The following TIGAR variants were observed in gnomAD, a reference collection of about 807,000 sequenced individuals.
TIGAR encodes fructose-2,6-bisphosphatase TIGAR.
In TIGAR, 7 loss-of-function variants were observed where a neutral mutation model predicts 17.9. The ratio of observed to expected loss-of-function variants is 0.39; its 90% CI spans 0.22 to 0.73. TIGAR has a LOEUF of 0.73. Ranked by LOEUF, TIGAR falls within the 30% of genes least tolerant of loss-of-function variation. The pLI, the probability that TIGAR is intolerant of heterozygous loss-of-function variation, is 0.42. For synonymous variants in TIGAR, 94 were observed against 108.6 expected (o/e 0.87, Z 0.84); for missense variants, 258 against 327.4 (o/e 0.79, Z 1.64).
rs1382302752 is a variant in TIGAR at position 4,355,741 on chromosome 12, T to G, written c.*3050T>G. Among the ~76,000 whole-genome samples the G allele has an allele frequency of 6.6e-6, 1 of 152,160 alleles. No individual in the cohort carries two copies. The highest frequency in any genetic ancestry group is 2.1e-4 in the South Asian group (1 of 4,830). On this transcript the variant is annotated 3_prime_UTR_variant, in exon 6 of 6. Coordinates refer to ENST00000179259, the MANE Select transcript of TIGAR (RefSeq NM_020375.3). ...AGAGAAGACAGTGTGTTGGCTCACA[T>G]TGTGGTCAGTGCTGTTGAGCAAAAT...
At position 4,357,883 on chromosome 12, in the gene TIGAR, C is replaced by G. The variant is rs1443388461; in HGVS notation, c.*5192C>G. Among the ~76,000 whole-genome samples, 3 of 147,372 alleles carry G rather than the reference C, an allele frequency of 2.0e-5. No individual in the cohort carries two copies. The highest frequency in any genetic ancestry group is 4.5e-5 in the Non-Finnish European group (3 of 66,516). ...CTTTGGGAGGCCAAGGCGGGCAGAT[C>G]ACGAGGTCAGGAGATAGAGACCATC... On this transcript the variant is annotated 3_prime_UTR_variant, in exon 6 of 6. Coordinates refer to ENST00000179259, the MANE Select transcript of TIGAR (RefSeq NM_020375.3).
chr12:4,337,310 T>G, intron 3 of TIGAR, 150 bp downstream of exon 3: 2 of 504,422 alleles, frequency 4.0e-6, no homozygotes, highest in Non-Finnish European at 6.8e-6. Flanking sequence ...GGATTACAGG[T>G]GTGTGCCACC....
chr12:4,338,546 T>C (rs1402745847), intron 3 of TIGAR, among the ~76,000 whole-genome samples: 2 of 152,166 alleles, frequency 1.3e-5, no homozygotes, highest in Non-Finnish European at 2.9e-5. Flanking sequence ...TCTAGAAATA[T>C]GTACAAGAAT....
chr12:4,345,738 C>A (rs1274034867), intron 3 of TIGAR, among the ~76,000 whole-genome samples: 2 of 152,196 alleles, frequency 1.3e-5, no homozygotes, highest in African/African-American at 4.8e-5. Context: ...GCAATGGCAA[C>A]AAAAGCCAAA....
chr12:4,349,362 G>A (rs923019165), intron 3 of TIGAR, among the ~76,000 whole-genome samples: 4 of 151,806 alleles, frequency 2.6e-5, no homozygotes, highest in Non-Finnish European at 5.9e-5. Context: ...AAGAGACACA[G>A]ATGTGTACAC....
chr12:4,346,443 A>G (rs1164188812), intron 3 of TIGAR, among the ~76,000 whole-genome samples: 1 of 152,234 alleles, frequency 6.6e-6, no homozygotes, highest in East Asian at 1.9e-4. Flanking sequence ...GGATGAGTTC[A>G]TGTCCTCTGT....
intron 3 of TIGAR, among the ~76,000 whole-genome samples, chr12:4,344,073 C>G (rs1864753709): frequency 6.6e-6 from 1 of 152,126 alleles, no homozygotes; most frequent in Admixed American, 6.5e-5. Flanking sequence ...GAAATACGAA[C>G]TACCATCAGA....
chr12:4,349,026 A>G (rs574030069), intron 3 of TIGAR, among the ~76,000 whole-genome samples: 1 of 152,350 alleles, frequency 6.6e-6, no homozygotes, highest in South Asian at 2.1e-4. Flanking sequence ...TAAAAATACA[A>G]TTGGAATTAA....
At chr12:4,330,568 G>A (rs770788209) in intron 1 of TIGAR, among the ~76,000 whole-genome samples, 1 of 152,160 alleles carries the variant, frequency 6.6e-6, no homozygotes, top group Admixed American at 6.5e-5. Flanking sequence ...CTATCCTGCT[G>A]TCTGTCCAGT....
At position 4,321,753 on chromosome 12, in the gene TIGAR, T is replaced by G. The variant is rs1864480389; in HGVS notation, c.32+450T>G. Among the ~76,000 whole-genome samples the G allele has an allele frequency of 6.6e-6, 1 of 152,134 alleles. No homozygotes were observed. The highest frequency in any genetic ancestry group is 1.5e-5 in the Non-Finnish European group (1 of 68,008). On this transcript the variant is annotated intron_variant, in intron 1 of 5. Transcript: ENST00000179259. The surrounding 1 kb of genome is among the most constrained non-coding windows in gnomAD (Gnocchi z 5.2). ...TCCTCTCAGTTTCTGAGGTTCCCCC[T>G]CGTTTCCCCAGGCAGTCAGCCCCCC...
In TIGAR at chr12:4,355,110, G is replaced by T. The variant is rs189694032; in HGVS notation, c.*2419G>T. On this transcript the variant is annotated 3_prime_UTR_variant, in exon 6 of 6. Coordinates refer to ENST00000179259, the MANE Select transcript of TIGAR (RefSeq NM_020375.3). ...TTATCCTTTATGGGGTTTTTTTGGTGTGTATCTTTAAGAAGACTTCTCTAC... is the reference window on the plus strand; with the variant it reads ...TTATCCTTTATGGGGTTTTTTTGGTTTGTATCTTTAAGAAGACTTCTCTAC... 3.4e-4 allele frequency among the ~76,000 whole-genome samples: 51 copies of T among 152,172 alleles called. No homozygotes were observed. The highest frequency in any genetic ancestry group is 1.0e-3 in the South Asian group (5 of 4,828).
At chr12:4,348,798 G>C (rs1222724093) in intron 3 of TIGAR, among the ~76,000 whole-genome samples, 2 of 152,156 alleles carry the variant, frequency 1.3e-5, no homozygotes, top group Non-Finnish European at 2.9e-5. Context: ...CTATGTGACA[G>C]GGTCGCTTGT....
At chr12:4,324,245 C>T in intron 1 of TIGAR, 1 of 613,588 alleles carries the variant, frequency 1.6e-6, no homozygotes, top group Non-Finnish European at 2.9e-6. Context: ...ACCTATCCAG[C>T]ACTACTGAAG....
chr12:4,352,349 T>A lies in TIGAR; in HGVS notation c.471T>A (p.Ser157=). The A allele has an allele frequency of 1.2e-6, 2 of 1,614,168 alleles. No homozygotes were observed. Among genetic ancestry groups the A allele is most frequent in the Non-Finnish European group, 1.7e-6 (2 of 1,180,010 alleles). Residue 157 remains serine, a synonymous_variant, in exon 6 of 6, where the codon TCT becomes TCA. Coordinates refer to ENST00000179259, the MANE Select transcript of TIGAR (RefSeq NM_020375.3). ...AAAAAGAACAGTTTTCCCAAGGATC[T>A]CCAAGCAACTGTCTGGAAACTTCTT... The part of the protein sequence containing the change: ...ADQKEQFSQG[S]PSNCLETSLA...
In TIGAR at chr12:4,321,884, G is replaced by A. The variant is rs1471926224; in HGVS notation, c.32+581G>A. 6.6e-6 allele frequency among the ~76,000 whole-genome samples: 1 copy of A among 152,146 alleles called. No homozygotes were observed. Among genetic ancestry groups the A allele is most frequent in the African/African-American group, 2.4e-5 (1 of 41,424 alleles). On this transcript the variant is annotated intron_variant, in intron 1 of 5. Coordinates refer to ENST00000179259, the MANE Select transcript of TIGAR (RefSeq NM_020375.3). This position sits in a 1 kb window ranked among gnomAD's most constrained non-coding sequence, Gnocchi z 5.2. ...GCAGACCGTATCATCCCAAATAAAT[G>A]TTTTTATTATCATAACGTTACACGG...
rs894620237 is a variant in TIGAR, at chr12:4,321,475, C to T, written c.32+172C>T. 1.3e-5 allele frequency among the ~76,000 whole-genome samples: 2 copies of T among 152,184 alleles called. No individual in the cohort carries two copies. Among genetic ancestry groups the T allele is most frequent in the Non-Finnish European group, 1.5e-5 (1 of 68,014 alleles). ...CTTGCCCTGGGGCCGTCCCGTGTCGCCCCTCCTCTCACCCCAGCAGCCCCG... is the reference window on the plus strand; with the variant it reads ...CTTGCCCTGGGGCCGTCCCGTGTCGTCCCTCCTCTCACCCCAGCAGCCCCG... On this transcript the variant is annotated intron_variant, in intron 1 of 5. Coordinates refer to ENST00000179259, the MANE Select transcript of TIGAR (RefSeq NM_020375.3). The surrounding 1 kb of genome is among the most constrained non-coding windows in gnomAD (Gnocchi z 5.2).
chr12:4,324,591 C>G, intron 1 of TIGAR: 1 of 1,596,216 alleles, frequency 6.3e-7, no homozygotes, highest in Non-Finnish European at 8.5e-7. Flanking sequence ...TCACCACTTC[C>G]GGCTTCTCCA....
In TIGAR at chr12:4,342,696, C is replaced by T. The variant is rs556454639; in HGVS notation, c.192+5536C>T. Reference sequence around the variant, plus strand: ...CAGACAAGCAAATGCTGAGAGATTTCGGCACCACCAGGCCTGCCCTAAAAG... The same window carrying T: ...CAGACAAGCAAATGCTGAGAGATTTTGGCACCACCAGGCCTGCCCTAAAAG... On this transcript the variant is annotated intron_variant, in intron 3 of 5. Coordinates refer to ENST00000179259, the MANE Select transcript of TIGAR (RefSeq NM_020375.3). Among the ~76,000 whole-genome samples the T allele has an allele frequency of 2.2e-3, 342 of 152,124 alleles. 3 individuals carry two copies. The highest frequency in any genetic ancestry group is 7.2e-3 in the African/African-American group (298 of 41,508).
chr12:4,331,406 G>C (rs1280150647), intron 2 of TIGAR, 89 bp downstream of exon 2: 5 of 1,205,890 alleles, frequency 4.1e-6, no homozygotes, highest in Non-Finnish European at 6.2e-6. Context: ...GGGGTAGACT[G>C]GGGGCAGCAC....
Sources: gnomAD v4.1 joint callset for allele counts (sites outside exome capture counted in the v4.1 genomes callset) on GRCh38, gnomAD v4.1.1 for gene constraint, Gnocchi (gnomAD v3.1) non-coding constraint, MANE v1.5 for transcripts, NCBI Gene and HGNC (gene_info 2026-07-23, HGNC 2026-07-21) for gene names.